The following DCAF5 variants were observed in gnomAD, a reference collection of about 807,000 sequenced individuals.
The protein encoded by DCAF5 is DDB1- and CUL4-associated factor 5.
In DCAF5, 9 loss-of-function variants were observed where a neutral mutation model predicts 80.7. The observed-to-expected ratio is 0.11, with a 90% confidence interval of 0.07 to 0.19. The LOEUF is 0.19. DCAF5 is among the 10% of genes least tolerant of loss of function. The probability of loss-of-function intolerance (pLI) is 1.00; values close to 1 mark genes in which losing one functional copy is unlikely to be tolerated. For missense variants in DCAF5, 842 were observed against 1,205.7 expected (o/e 0.70, Z 4.47); for synonymous variants, 433 against 461.9 (o/e 0.94, Z 0.80).
chr14:69,109,454 T>C (rs2040278694), intron 5 of DCAF5, among the ~76,000 whole-genome samples: 2 of 152,062 alleles, frequency 1.3e-5, no homozygotes, highest in African/African-American at 2.4e-5. Flanking sequence ...GATCAAGATA[T>C]AGAACCCCAG....
chr14:69,143,751 C>T (rs2140120306), intron 1 of DCAF5: 1 of 152,326 alleles, frequency 6.6e-6, no homozygotes, highest in Non-Finnish European at 1.5e-5. Flanking sequence ...AGAACAAAAA[C>T]TTGAAAAGCA....
At chr14:69,066,413 G>C (rs1173523502) in intron 7 of DCAF5, among the ~76,000 whole-genome samples, 1 of 152,116 alleles carries the variant, frequency 6.6e-6, no homozygotes, top group Non-Finnish European at 1.5e-5. Context: ...GGGATTACAG[G>C]CATGAGCCAC....
intron 6 of DCAF5, among the ~76,000 whole-genome samples, chr14:69,077,531 G>A (rs966722974): frequency 6.6e-6 from 1 of 151,920 alleles, no homozygotes; most frequent in Non-Finnish European, 1.5e-5. Flanking sequence ...CTACAGGCAG[G>A]CACCACCACA....
chr14:69,083,735 T>A, intron 6 of DCAF5: 1 of 650,446 alleles, frequency 1.5e-6, no homozygotes, highest in South Asian at 1.7e-5. Context: ...AGAAAAATGG[T>A]GAATGATGCT....
At position 69,118,691 on chromosome 14, in the gene DCAF5, A is replaced by C. The variant is rs1289434457; in HGVS notation, c.396-413T>G. 1.3e-5 allele frequency among the ~76,000 whole-genome samples: 2 copies of C among 152,212 alleles called. No individual in the cohort carries two copies. Among genetic ancestry groups the C allele is most frequent in the East Asian group, 3.9e-4 (2 of 5,194 alleles). ...CTCCTAGCAATCTGGCATGGTGATG[A>C]AGAGCATGGCTCTGAGGCCAGATAG... On this transcript the variant is annotated intron_variant, in intron 3 of 8. Transcript: ENST00000341516. The surrounding 1 kb of genome is among the most constrained non-coding windows in gnomAD (Gnocchi z 4.0).
At chr14:69,075,967 A>T (rs2038883665) in intron 6 of DCAF5, among the ~76,000 whole-genome samples, 1 of 152,234 alleles carries the variant, frequency 6.6e-6, no homozygotes, top group Non-Finnish European at 1.5e-5. Context: ...CAAAAAATTC[A>T]AAAAAGGGGC....
intron 1 of DCAF5, among the ~76,000 whole-genome samples, chr14:69,139,568 C>T (rs913916783): frequency 1.3e-5 from 2 of 150,538 alleles, no homozygotes; most frequent in Admixed American, 6.6e-5. Flanking sequence ...AATCCCAGTA[C>T]TTTGGGAGGC....
chr14:69,118,061 G>A lies in DCAF5; in HGVS notation c.535+78C>T. The A allele has an allele frequency of 1.3e-6, 2 of 1,561,736 alleles. No individual in the cohort carries two copies. Among genetic ancestry groups the A allele is most frequent in the Non-Finnish European group, 1.8e-6 (2 of 1,139,590 alleles). On this transcript the variant is annotated intron_variant, in intron 4 of 8. Coordinates refer to ENST00000341516, the MANE Select transcript of DCAF5 (RefSeq NM_003861.3). This position sits in a 1 kb window ranked among gnomAD's most constrained non-coding sequence, Gnocchi z 4.0. The stretch of plus-strand genomic sequence containing the variant: ...ACATCACTTGCACATAGATACTGAG[G>A]TAATAAATTGGATCTTCAATGAATC...
In DCAF5 at chr14:69,055,617, C is replaced by G; in HGVS notation, c.1075-6G>C. The G allele has an allele frequency of 6.3e-7, 1 of 1,581,734 alleles. No individual in the cohort carries two copies. The highest frequency in any genetic ancestry group is 8.6e-7 in the Non-Finnish European group (1 of 1,158,332). On this transcript the variant is annotated splice_polypyrimidine_tract_variant and splice_region_variant and intron_variant, in intron 8 of 8. Coordinates refer to ENST00000341516, the MANE Select transcript of DCAF5 (RefSeq NM_003861.3). The surrounding 1 kb of genome is among the most constrained non-coding windows in gnomAD (Gnocchi z 5.6). ...TGCTTGTATGGGCTCCAGATCTGAA[C>G]AGAAAATGAAAAACAAAAGCAACAA...
Position 69,123,831 on chromosome 14 carries a change from T to C in DCAF5, c.215-1471A>G, listed in dbSNP as rs550406015. On this transcript the variant is annotated intron_variant, in intron 1 of 8. Coordinates refer to ENST00000341516, the MANE Select transcript of DCAF5 (RefSeq NM_003861.3). ...CTCCTGCCTCAGTCTCCTGAGTAGC[T>C]GGGATTACAGGCTCCCACCACCACG... Among the ~76,000 whole-genome samples, 50 of 152,268 alleles carry C rather than the reference T, an allele frequency of 3.3e-4. 1 individual carries two copies. The South Asian group carries it at 0.01, about 32-fold the overall frequency.
At chr14:69,144,445 G>A (rs573135995) in intron 1 of DCAF5, among the ~76,000 whole-genome samples, 3 of 151,938 alleles carry the variant, frequency 2.0e-5, no homozygotes, top group Non-Finnish European at 2.9e-5. Flanking sequence ...GGTGGCGGGT[G>A]CCTGTAGTCC....
In DCAF5 at chr14:69,054,885, C is replaced by A; in HGVS notation, c.1801G>T (p.Ala601Ser). The A allele has an allele frequency of 6.2e-7, 1 of 1,614,100 alleles. No homozygotes were observed. The change falls in exon 9 of 9, where the codon GCC becomes TCC. Residue 601 changes from alanine to serine, a missense_variant. Coordinates refer to ENST00000341516, the MANE Select transcript of DCAF5 (RefSeq NM_003861.3). Reference sequence around the variant, plus strand: ...TAAGTGTTGGTGGGCTTGATTGGGGCACTGGGCTTGTCTTCTCGGGTTGTC... The same window carrying A: ...TAAGTGTTGGTGGGCTTGATTGGGGAACTGGGCTTGTCTTCTCGGGTTGTC... ...QKTTREDKPS[A>S]PIKPTNTYIG...
intron 6 of DCAF5, chr14:69,085,279 C>G: frequency 1.4e-6 from 1 of 715,064 alleles, no homozygotes; most frequent in African/African-American, 1.8e-5. Context: ...GCAGAAAAAG[C>G]GAGTAGGCAG....
intron 4 of DCAF5, among the ~76,000 whole-genome samples, chr14:69,117,457 C>A (rs989452599): frequency 6.6e-6 from 1 of 152,150 alleles, no homozygotes; most frequent in African/African-American, 2.4e-5. Flanking sequence ...TTTAGGTACA[C>A]AGCTGTGATC....
chr14:69,127,812 A>G (rs1341501955), intron 1 of DCAF5, among the ~76,000 whole-genome samples: 1 of 152,188 alleles, frequency 6.6e-6, no homozygotes, highest in South Asian at 2.1e-4. Context: ...ACTTCTCTAA[A>G]ACAAAGTCTT....
At chr14:69,136,846 C>T (rs1394302961) in intron 1 of DCAF5, among the ~76,000 whole-genome samples, 1 of 151,810 alleles carries the variant, frequency 6.6e-6, no homozygotes, top group Non-Finnish European at 1.5e-5. Flanking sequence ...GTGGAGAAAC[C>T]CTGCTTTAAA....
At chr14:69,078,544 T>A (rs1566735426) in intron 6 of DCAF5, among the ~76,000 whole-genome samples, 1 of 152,188 alleles carries the variant, frequency 6.6e-6, no homozygotes, top group Non-Finnish European at 1.5e-5. Context: ...GTGGAATCAA[T>A]CCCCTATGTG....
At chr14:69,112,592 TATAC>T (rs1457666037) in intron 5 of DCAF5, among the ~76,000 whole-genome samples, 1 of 84,896 alleles carries the variant, frequency 1.2e-5, no homozygotes, top group Non-Finnish European at 2.5e-5. Context: ...GATATATATG[TATAC>T]ACACACACAC....
Position 69,055,050 on chromosome 14 carries a change from G to A in DCAF5, c.1636C>T (p.Leu546Phe). ...CTGGGTGACCGTGGCCGGGGAAAGAGATCTGTGTCTAGTTCCACCTCACAG... is the reference window on the plus strand; with the variant it reads ...CTGGGTGACCGTGGCCGGGGAAAGAAATCTGTGTCTAGTTCCACCTCACAG... ...NVCEVELDTD[L>F]FPRPRSPSPE... is the part of the protein sequence containing the mutation. The change falls in exon 9 of 9, where the codon CTC becomes TTC. Residue 546 changes from leucine to phenylalanine, a missense_variant. By Grantham distance (22) the Leu-to-Phe change is conservative. Transcript: ENST00000341516. The surrounding 1 kb of genome is among the most constrained non-coding windows in gnomAD (Gnocchi z 5.6). The A allele has an allele frequency of 1.2e-6, 2 of 1,614,260 alleles. No individual in the cohort carries two copies. The highest frequency in any genetic ancestry group is 1.7e-6 in the Non-Finnish European group (2 of 1,180,050).
Sources: gnomAD v4.1 joint callset for allele counts (sites outside exome capture counted in the v4.1 genomes callset) on GRCh38, gnomAD v4.1.1 for gene constraint, Gnocchi (gnomAD v3.1) non-coding constraint, MANE v1.5 for transcripts, NCBI Gene and HGNC (gene_info 2026-07-23, HGNC 2026-07-21) for gene names.